Variants in PRKACB observed in about 807,000 individuals in gnomAD.
PRKACB encodes cAMP-dependent protein kinase catalytic subunit beta.
PRKACB carries 16 observed loss-of-function variants against 51.4 expected under a neutral mutation model. The observed-to-expected ratio is 0.31, with a 90% CI of 0.21 to 0.47. PRKACB has a LOEUF of 0.47. Among genes scored for constraint, PRKACB ranks in the 20% least tolerant of loss-of-function variants. The pLI, the probability that PRKACB is intolerant of heterozygous loss-of-function variation, is 1.00. For synonymous variants in PRKACB, 147 were observed against 154.4 expected (o/e 0.95, Z 0.35); for missense variants, 309 against 464.5 (o/e 0.67, Z 3.08).
chr1:84,136,295 T>G (rs1387047748), intron 1 of PRKACB, among the ~76,000 whole-genome samples: 1 of 152,052 alleles, frequency 6.6e-6, no homozygotes, highest in African/African-American at 2.4e-5. Flanking sequence ...ATGAATTCAC[T>G]GGTGAAATAT....
At chr1:84,198,227 G>T (rs41301160) in intron 7 of PRKACB, among the ~76,000 whole-genome samples, 1,568 of 152,232 alleles carry the variant, frequency 0.01, 33 homozygotes, top group African/African-American at 0.036. Context: ...TAAATAAAAG[G>T]AATGTATGAG....
At position 84,207,515 on chromosome 1, in the gene PRKACB, A is replaced by G. The variant is rs1671523096; in HGVS notation, c.906+4710A>G. On this transcript the variant is annotated intron_variant, in intron 8 of 9. Coordinates refer to ENST00000370685, the MANE Select transcript of PRKACB (RefSeq NM_182948.4). Reference sequence around the variant, plus strand: ...GAAAAATTGTCTAATGTGTATGTTCATTTTTGATCAATCAATTCTTTACTG... The same window carrying G: ...GAAAAATTGTCTAATGTGTATGTTCGTTTTTGATCAATCAATTCTTTACTG... Among the ~76,000 whole-genome samples, 3 of 152,142 alleles carry G rather than the reference A, an allele frequency of 2.0e-5. No homozygotes were observed. The South Asian group carries it at 6.2e-4, about 32-fold the overall frequency.
intron 8 of PRKACB, among the ~76,000 whole-genome samples, chr1:84,206,649 G>GCA (rs1373575035): frequency 1.3e-5 from 2 of 152,140 alleles, no homozygotes; most frequent in South Asian, 4.1e-4. Flanking sequence ...TTCATTGGGG[G>GCA]TTGGTCACAT....
At chr1:84,155,623 T>G (rs1444090490) in intron 1 of PRKACB, among the ~76,000 whole-genome samples, 1 of 152,222 alleles carries the variant, frequency 6.6e-6, no homozygotes, top group African/African-American at 2.4e-5. Flanking sequence ...GCAGATGATC[T>G]GAGAGACAAA....
chr1:84,118,842 G>A (rs889380781), intron 1 of PRKACB, among the ~76,000 whole-genome samples: 14 of 152,090 alleles, frequency 9.2e-5, no homozygotes, highest in Admixed American at 2.6e-4. Context: ...GCAGCTCTTA[G>A]AGATGAGTTT....
intron 8 of PRKACB, among the ~76,000 whole-genome samples, chr1:84,210,424 C>T (rs1034181417): frequency 6.6e-6 from 1 of 152,250 alleles, no homozygotes; most frequent in East Asian, 1.9e-4. Flanking sequence ...ATATCTGACT[C>T]TTTACATTTA....
intron 1 of PRKACB, chr1:84,164,478 G>A (rs889390880): frequency 6.1e-5 from 94 of 1,540,384 alleles, no homozygotes; most frequent in South Asian, 1.1e-4. Flanking sequence ...TGTAAAAAGC[G>A]TAGATTAGTG....
At chr1:84,214,067 G>T in intron 8 of PRKACB, 86 bp from the exon 9 acceptor site, 1 of 1,343,020 alleles carries the variant, frequency 7.4e-7, no homozygotes, top group Non-Finnish European at 9.9e-7. Flanking sequence ...ATGGCTTGTT[G>T]CCTTGAAAAA....
At chr1:84,113,233 T>C (rs1650374351) in intron 1 of PRKACB, among the ~76,000 whole-genome samples, 1 of 152,162 alleles carries the variant, frequency 6.6e-6, no homozygotes. Flanking sequence ...TAAATTGGGA[T>C]AGCCATTCCT....
At chr1:84,087,475 G>A (rs1015151063) in intron 1 of PRKACB, among the ~76,000 whole-genome samples, 8 of 151,776 alleles carry the variant, frequency 5.3e-5, no homozygotes, top group African/African-American at 1.7e-4. Context: ...ATGTTTAAAG[G>A]TGAAACATGT....
At chr1:84,110,877 A>T (rs1053405922) in intron 1 of PRKACB, among the ~76,000 whole-genome samples, 1 of 152,046 alleles carries the variant, frequency 6.6e-6, no homozygotes, top group Non-Finnish European at 1.5e-5. Flanking sequence ...TAGTCATATA[A>T]GCCAGAATTT....
intron 1 of PRKACB, among the ~76,000 whole-genome samples, chr1:84,097,137 A>G (rs564392289): frequency 3.9e-5 from 6 of 152,008 alleles, no homozygotes; most frequent in Admixed American, 2.6e-4. Flanking sequence ...TTCTTTCTAC[A>G]TTTGATGGTA....
intron 1 of PRKACB, among the ~76,000 whole-genome samples, chr1:84,178,098 T>A (rs1661959475): frequency 6.6e-6 from 1 of 151,960 alleles, no homozygotes; most frequent in Admixed American, 6.6e-5. Context: ...CCAAAAGCCT[T>A]TTTGGTTAGT....
chr1:84,197,875 C>T (rs769692044), intron 7 of PRKACB, 51 bp downstream of exon 7: 2 of 1,262,058 alleles, frequency 1.6e-6, no homozygotes, highest in Non-Finnish European at 2.2e-6. Context: ...GACATGCATC[C>T]CTATGGACTT....
chr1:84,094,118 C>T (rs1459963117), intron 1 of PRKACB, among the ~76,000 whole-genome samples: 1 of 151,874 alleles, frequency 6.6e-6, no homozygotes, highest in Non-Finnish European at 1.5e-5. Flanking sequence ...TTAGGACTTG[C>T]AATACAGTAG....
chr1:84,214,359 G>A (rs1050856498), intron 9 of PRKACB, 42 bp downstream of exon 9: 1 of 1,490,154 alleles, frequency 6.7e-7, no homozygotes, highest in Non-Finnish European at 9.0e-7. Flanking sequence ...TTTAAAGTTG[G>A]TGTTTAAATT....
intron 1 of PRKACB, among the ~76,000 whole-genome samples, chr1:84,158,463 T>A (rs1655790176): frequency 1.3e-5 from 2 of 152,206 alleles, no homozygotes; most frequent in African/African-American, 4.8e-5. Context: ...CCCATTTGTG[T>A]ATGTACTTTG....
chr1:84,150,502 C>T (rs908952197), intron 1 of PRKACB, among the ~76,000 whole-genome samples: 14 of 152,094 alleles, frequency 9.2e-5, no homozygotes, highest in South Asian at 6.2e-4. Context: ...TAATGGGAGG[C>T]GTTTGGGTCA....
At chr1:84,147,170 T>G (rs1236289045) in intron 1 of PRKACB, among the ~76,000 whole-genome samples, 1 of 152,058 alleles carries the variant, frequency 6.6e-6, no homozygotes, top group Non-Finnish European at 1.5e-5. Flanking sequence ...TTCTTTCCCT[T>G]TTCCTATGAA....
Sources: allele counts gnomAD v4.1 joint callset (sites outside exome capture counted in the v4.1 genomes callset), GRCh38; gene constraint gnomAD v4.1.1; transcripts MANE v1.5; gene names NCBI Gene and HGNC (gene_info 2026-07-23, HGNC 2026-07-21).